Variants in AGBL4 observed in about 807,000 individuals in gnomAD.
The protein encoded by AGBL4 is cytosolic carboxypeptidase 6.
Under a neutral mutation model 66.4 loss-of-function variants are expected in AGBL4, and 58 were observed. The observed-to-expected ratio is 0.87, with a 90% CI of 0.71 to 1.09. The LOEUF is 1.09. Ranked by LOEUF, AGBL4 falls within the 50% of genes least tolerant of loss-of-function variation. The pLI is 0.00. For missense variants in AGBL4, 579 were observed against 631.0 expected, an observed-to-expected ratio of 0.92 and a Z score of 0.88; for synonymous variants, 234 against 222.9, an observed-to-expected ratio of 1.05 and a Z score of -0.44.
intron 3 of AGBL4, among the ~76,000 whole-genome samples, chr1:49,371,815 CTCTG>C (rs1161959730): frequency 8.4e-6 from 1 of 119,536 alleles, no homozygotes; most frequent in East Asian, 2.4e-4. Flanking sequence ...ACTTTTCAAA[CTCTG>C]TGTGTGTGTG....
chr1:49,719,506 G>C (rs1648425683), intron 2 of AGBL4, among the ~76,000 whole-genome samples: 1 of 152,054 alleles, frequency 6.6e-6, no homozygotes, highest in South Asian at 2.1e-4. Context: ...CACCATAAAA[G>C]CTGTGCATTT....
At chr1:49,334,672 A>G (rs982319777) in intron 3 of AGBL4, among the ~76,000 whole-genome samples, 3 of 152,184 alleles carry the variant, frequency 2.0e-5, no homozygotes, top group Non-Finnish European at 4.4e-5. Flanking sequence ...ATATTGTATT[A>G]AGTGGAATCA....
At chr1:49,675,797 T>C (rs550514123) in intron 3 of AGBL4, among the ~76,000 whole-genome samples, 28 of 152,188 alleles carry the variant, frequency 1.8e-4, no homozygotes, top group African/African-American at 6.3e-4. Context: ...TAAAGCCTCC[T>C]CCAGGGGGGA....
intron 3 of AGBL4, among the ~76,000 whole-genome samples, chr1:49,539,353 T>C (rs1651835346): frequency 6.6e-6 from 1 of 152,220 alleles, no homozygotes; most frequent in Non-Finnish European, 1.5e-5. Context: ...TTTCAGAAAT[T>C]AGTTTTAAGA....
At chr1:49,818,330 T>A (rs1207564328) in intron 2 of AGBL4, among the ~76,000 whole-genome samples, 3 of 151,656 alleles carry the variant, frequency 2.0e-5, no homozygotes, top group Non-Finnish European at 4.4e-5. Flanking sequence ...CATATGGGTT[T>A]TTTTTAGTTT....
At chr1:49,674,767 TAGAG>T (rs1646548051) in intron 3 of AGBL4, among the ~76,000 whole-genome samples, 1 of 151,952 alleles carries the variant, frequency 6.6e-6, no homozygotes, top group African/African-American at 2.4e-5. Flanking sequence ...CTTTGAGAGA[TAGAG>T]AGGTATCACT....
intron 2 of AGBL4, among the ~76,000 whole-genome samples, chr1:49,759,738 A>G (rs1047215488): frequency 6.6e-6 from 1 of 152,222 alleles, no homozygotes; most frequent in Non-Finnish European, 1.5e-5. Context: ...CGGATAAACA[A>G]AATGAGGTAT....
intron 11 of AGBL4, among the ~76,000 whole-genome samples, chr1:48,561,201 C>CT (rs945562732): frequency 2.6e-4 from 39 of 152,296 alleles, no homozygotes; most frequent in African/African-American, 9.1e-4. Context: ...AATATTATAG[C>CT]TTTTTTTAAA....
intron 4 of AGBL4, among the ~76,000 whole-genome samples, chr1:49,141,756 G>T (rs1646121666): frequency 6.6e-6 from 1 of 152,166 alleles, no homozygotes; most frequent in Admixed American, 6.6e-5. Flanking sequence ...ATAATAAGAA[G>T]TCACTGGAAA....
intron 4 of AGBL4, among the ~76,000 whole-genome samples, chr1:49,077,852 G>A (rs1467156469): frequency 6.6e-6 from 1 of 152,018 alleles, no homozygotes; most frequent in Non-Finnish European, 1.5e-5. Context: ...AAAGGAGGAA[G>A]GGGAAGTCAG....
intron 9 of AGBL4, among the ~76,000 whole-genome samples, chr1:48,605,126 C>T (rs1202161916): frequency 2.0e-5 from 3 of 152,124 alleles, no homozygotes; most frequent in Non-Finnish European, 2.9e-5. Context: ...AGCTAGTAAG[C>T]GTCAGAGCCA....
chr1:49,579,526 G>T (rs1644500888), intron 3 of AGBL4, among the ~76,000 whole-genome samples: 1 of 151,984 alleles, frequency 6.6e-6, no homozygotes, highest in South Asian at 2.1e-4. Context: ...TTGAGATAAA[G>T]TCTCGCTCTT....
chr1:49,230,003 A>G (rs1164035660), intron 4 of AGBL4, among the ~76,000 whole-genome samples: 1 of 152,212 alleles, frequency 6.6e-6, no homozygotes, highest in Non-Finnish European at 1.5e-5. Flanking sequence ...ATTGAGGCAT[A>G]GAGATATTAA....
intron 6 of AGBL4, among the ~76,000 whole-genome samples, chr1:48,687,945 T>C (rs1473500811): frequency 6.6e-6 from 1 of 152,228 alleles, no homozygotes; most frequent in Non-Finnish European, 1.5e-5. Context: ...ACTTCCTTTG[T>C]TGTCTTTTCT....
intron 5 of AGBL4, among the ~76,000 whole-genome samples, chr1:48,881,851 C>T (rs1050461287): frequency 2.0e-5 from 3 of 152,188 alleles, no homozygotes; most frequent in Non-Finnish European, 2.9e-5. Context: ...AGGACCTACT[C>T]TACTTAGGAA....
At chr1:49,905,277 G>A (rs1228071626) in intron 1 of AGBL4, among the ~76,000 whole-genome samples, 2 of 152,098 alleles carry the variant, frequency 1.3e-5, no homozygotes, top group African/African-American at 4.8e-5. Context: ...GACATGGGTG[G>A]ATTAAAGCAT....
At chr1:49,416,799 C>T (rs1645434894) in intron 3 of AGBL4, among the ~76,000 whole-genome samples, 1 of 151,968 alleles carries the variant, frequency 6.6e-6, no homozygotes, top group Admixed American at 6.6e-5. Flanking sequence ...TGAGTAAAAG[C>T]TCAATGCATG....
At chr1:48,991,546 T>A (rs1039015321) in intron 5 of AGBL4, among the ~76,000 whole-genome samples, 13 of 152,192 alleles carry the variant, frequency 8.5e-5, no homozygotes, top group African/African-American at 3.1e-4. Flanking sequence ...TCTTTGTTAT[T>A]ATCCTTTTGA....
At position 48,591,024 on chromosome 1, in the gene AGBL4, G is replaced by A. The variant is rs558564616; in HGVS notation, c.952-39C>T. ...GGATAACAAATGAGAAGTCTGGGCT[G>A]TAGAGCTTGTGTATAAGGGACCAGA... is the stretch of plus-strand genomic sequence containing the variant. On this transcript the variant is annotated intron_variant, in intron 9 of 13. Transcript: ENST00000371839. The A allele has an allele frequency of 1.4e-4, 214 of 1,558,686 alleles. No homozygotes were observed. In the Middle Eastern group the frequency reaches 1.7e-3, roughly 12 times the overall value.
Sources: allele counts gnomAD v4.1 joint callset (sites outside exome capture counted in the v4.1 genomes callset), GRCh38; gene constraint gnomAD v4.1.1; transcripts MANE v1.5; gene names NCBI Gene and HGNC (gene_info 2026-07-23, HGNC 2026-07-21).